Variants in RBMS3 observed in about 807,000 individuals in gnomAD.
RBMS3 encodes RNA binding motif single stranded interacting protein 3, also known as RNA-binding motif, single-stranded-interacting protein 3.
Under a neutral mutation model 66.8 loss-of-function variants are expected in RBMS3, and 27 were observed. The ratio of observed to expected loss-of-function variants is 0.40; its 90% CI spans 0.30 to 0.56. The LOEUF (loss-of-function observed/expected upper bound fraction) is 0.56. Among genes scored for constraint, RBMS3 ranks in the 20% least tolerant of loss-of-function variants. The pLI is 0.40. For synonymous variants in RBMS3, 188 were observed against 183.0 expected (o/e 1.03, Z -0.22); for missense variants, 513 against 549.5 (o/e 0.93, Z 0.66).
chr3:29,293,245 C>G (rs1396597094), intron 1 of RBMS3, among the ~76,000 whole-genome samples: 1 of 147,578 alleles, frequency 6.8e-6, no homozygotes, highest in African/African-American at 2.4e-5. Context: ...TATGTGCTCA[C>G]AAATATAACC....
chr3:29,606,184 T>C (rs1328242104), intron 4 of RBMS3, among the ~76,000 whole-genome samples: 1 of 151,874 alleles, frequency 6.6e-6, no homozygotes, highest in East Asian at 1.9e-4. Context: ...CTGTCTTTTC[T>C]CACTCCTAGA....
intron 12 of RBMS3, among the ~76,000 whole-genome samples, chr3:29,975,630 T>C (rs1175136611): frequency 1.3e-5 from 2 of 151,994 alleles, no homozygotes; most frequent in African/African-American, 2.4e-5. Context: ...CACATGCAGT[T>C]CTAAGAAATC....
intron 1 of RBMS3, among the ~76,000 whole-genome samples, chr3:29,382,130 A>G (rs561414859): frequency 1.3e-5 from 2 of 152,324 alleles, no homozygotes; most frequent in East Asian, 1.9e-4. Context: ...TAATTCTCAC[A>G]AAGTCCAGAT....
intron 1 of RBMS3, among the ~76,000 whole-genome samples, chr3:29,294,671 T>C (rs367994768): frequency 1.3e-5 from 2 of 151,746 alleles, no homozygotes; most frequent in Non-Finnish European, 2.9e-5. Flanking sequence ...TCAGCCCTTA[T>C]ATGTGGCTTC....
chr3:29,710,666 G>A (rs55940973), intron 4 of RBMS3, among the ~76,000 whole-genome samples: 11,473 of 152,146 alleles, frequency 0.075, 1,441 homozygotes, highest in African/African-American at 0.26. Flanking sequence ...ACCATAATCC[G>A]TCTCATTTCA....
chr3:29,531,341 T>G (rs780288741), intron 3 of RBMS3, among the ~76,000 whole-genome samples: 1 of 152,248 alleles, frequency 6.6e-6, no homozygotes, highest in Non-Finnish European at 1.5e-5. Flanking sequence ...ACCGTTGTAG[T>G]CAAATGCTGT....
At chr3:29,499,248 A>G (rs937060755) in intron 3 of RBMS3, among the ~76,000 whole-genome samples, 2 of 151,732 alleles carry the variant, frequency 1.3e-5, no homozygotes, top group Non-Finnish European at 2.9e-5. Flanking sequence ...GTCAATCATC[A>G]TTTGCTTTGG....
chr3:29,940,663 T>C (rs2061370890), intron 11 of RBMS3, among the ~76,000 whole-genome samples: 1 of 151,790 alleles, frequency 6.6e-6, no homozygotes. Context: ...TTGAAATGAA[T>C]GCCATGTAGT....
At chr3:29,399,217 G>GTC (rs1435156522) in intron 1 of RBMS3, among the ~76,000 whole-genome samples, 2 of 145,738 alleles carry the variant, frequency 1.4e-5, no homozygotes, top group Admixed American at 6.8e-5. Context: ...ATGTGTGTGT[G>GTC]TGTGTATATA....
At chr3:29,402,718 G>C (rs1157744352) in intron 1 of RBMS3, among the ~76,000 whole-genome samples, 1 of 151,982 alleles carries the variant, frequency 6.6e-6, no homozygotes, top group African/African-American at 2.4e-5. Flanking sequence ...GCATTTGATT[G>C]ATATAGAACT....
chr3:29,624,979 G>A lies in RBMS3; in HGVS notation c.399+37774G>A, dbSNP rs368052515. ...GGAGAGACCCAGTGGGAGGTGATTG[G>A]AACATGGGGGTGGGTTTTCCATGCT... On this transcript the variant is annotated intron_variant, in intron 4 of 14. Coordinates refer to ENST00000383767, the MANE Select transcript of RBMS3 (RefSeq NM_001003793.3). Among the ~76,000 whole-genome samples, 6 of 152,198 alleles carry A rather than the reference G, an allele frequency of 3.9e-5. No individual in the cohort carries two copies. The East Asian group carries it at 5.8e-4, about 15-fold the overall frequency.
At chr3:29,918,242 T>A (rs2060686935) in intron 10 of RBMS3, among the ~76,000 whole-genome samples, 1 of 152,172 alleles carries the variant, frequency 6.6e-6, no homozygotes, top group African/African-American at 2.4e-5. Flanking sequence ...ATTATTGGAT[T>A]CTTCTGTATA....
intron 3 of RBMS3, among the ~76,000 whole-genome samples, chr3:29,543,971 C>T (rs2149017349): frequency 6.6e-6 from 1 of 152,010 alleles, no homozygotes; most frequent in African/African-American, 2.4e-5. Flanking sequence ...AATAACTGTT[C>T]ATCATCCTAT....
chr3:29,300,555 A>G (rs768314030), intron 1 of RBMS3, among the ~76,000 whole-genome samples: 19 of 152,020 alleles, frequency 1.2e-4, no homozygotes, highest in Non-Finnish European at 2.2e-4. Flanking sequence ...CAGTTTTATA[A>G]TATGATTCCA....
At chr3:29,447,381 T>G in intron 2 of RBMS3, among the ~76,000 whole-genome samples, 1 of 152,198 alleles carries the variant, frequency 6.6e-6, no homozygotes, top group East Asian at 1.9e-4. Flanking sequence ...GACTTGTTTC[T>G]CAGAAAATAT....
intron 13 of RBMS3, among the ~76,000 whole-genome samples, chr3:29,990,194 G>A (rs1698738404): frequency 6.8e-6 from 1 of 146,320 alleles, no homozygotes; most frequent in African/African-American, 2.4e-5. Context: ...AATTAGGAAA[G>A]AAAAGATTGA....
chr3:29,438,058 C>G (rs553323181), intron 2 of RBMS3, among the ~76,000 whole-genome samples: 12 of 151,586 alleles, frequency 7.9e-5, no homozygotes, highest in Non-Finnish European at 1.8e-4. Flanking sequence ...CTCTCTCTCT[C>G]TCTCGTAGTG....
intron 1 of RBMS3, among the ~76,000 whole-genome samples, chr3:29,287,745 A>G (rs1370191411): frequency 1.3e-5 from 2 of 152,098 alleles, no homozygotes; most frequent in Non-Finnish European, 2.9e-5. Flanking sequence ...AATCTATAGG[A>G]TTAATCATAC....
intron 6 of RBMS3, among the ~76,000 whole-genome samples, chr3:29,797,153 T>C (rs1559681218): frequency 6.6e-6 from 1 of 152,238 alleles, no homozygotes; most frequent in Non-Finnish European, 1.5e-5. Context: ...TAAGGATACT[T>C]CATCTATATT....
Sources: allele counts gnomAD v4.1 joint callset (sites outside exome capture counted in the v4.1 genomes callset), GRCh38; gene constraint gnomAD v4.1.1; transcripts MANE v1.5; gene names NCBI Gene and HGNC (gene_info 2026-07-23, HGNC 2026-07-21).